RBM47: variants seen among roughly 807,000 people sequenced by gnomAD.
The protein encoded by RBM47 is RNA-binding protein 47.
A neutral mutation model predicts 47.1 loss-of-function variants in RBM47; 21 were observed. That is an observed-to-expected ratio of 0.45 (90% CI 0.32 to 0.64). RBM47 has a LOEUF of 0.64. Among genes scored for constraint, RBM47 ranks in the 30% least tolerant of loss-of-function variants. RBM47 has a pLI of 0.05. For missense variants in RBM47, 708 were observed against 870.9 expected, an observed-to-expected ratio of 0.81 and a Z score of 2.35; for synonymous variants, 375 against 361.7, an observed-to-expected ratio of 1.04 and a Z score of -0.42.
intron 1 of RBM47, among the ~76,000 whole-genome samples, chr4:40,544,878 C>A (rs1046141725): frequency 2.6e-4 from 40 of 151,952 alleles, no homozygotes; most frequent in Admixed American, 1.2e-3. Context: ...TGAGACCAAC[C>A]TGGGCAATAT....
chr4:40,514,791 T>C (rs947064220), intron 2 of RBM47: 3 of 152,182 alleles, frequency 2.0e-5, no homozygotes, highest in Non-Finnish European at 2.9e-5. Context: ...TTTCAGGTGG[T>C]GGGGGCGGAG....
At chr4:40,622,202 T>C (rs572587104) in intron 1 of RBM47, among the ~76,000 whole-genome samples, 4 of 152,326 alleles carry the variant, frequency 2.6e-5, no homozygotes, top group East Asian at 3.9e-4. Context: ...AATTACATAG[T>C]ATGCTACAAA....
chr4:40,461,656 C>T (rs944871918), intron 3 of RBM47, among the ~76,000 whole-genome samples: 1 of 152,164 alleles, frequency 6.6e-6, no homozygotes, highest in South Asian at 2.1e-4. Context: ...AGGCTGGGCA[C>T]AGTGGCTCAT....
At chr4:40,512,714 CAA>C (rs542452466) in intron 2 of RBM47, among the ~76,000 whole-genome samples, 16 of 43,318 alleles carry the variant, frequency 3.7e-4, no homozygotes, top group East Asian at 5.5e-4. Flanking sequence ...GACTTCATCT[CAA>C]AAAAAAAAAA....
At chr4:40,580,300 A>G (rs2154270822) in intron 1 of RBM47, among the ~76,000 whole-genome samples, 1 of 151,944 alleles carries the variant, frequency 6.6e-6, no homozygotes, top group East Asian at 1.9e-4. Context: ...CCCTCATCCA[A>G]GTTTCTAGTA....
At chr4:40,516,531 A>G (rs1725602693) in intron 2 of RBM47, among the ~76,000 whole-genome samples, 1 of 152,114 alleles carries the variant, frequency 6.6e-6, no homozygotes, top group Non-Finnish European at 1.5e-5. Flanking sequence ...AAGTGCTGGG[A>G]TTACAGGCAT....
chr4:40,478,736 C>T (rs187414571), intron 2 of RBM47, among the ~76,000 whole-genome samples: 1 of 152,190 alleles, frequency 6.6e-6, no homozygotes, highest in Non-Finnish European at 1.5e-5. Flanking sequence ...GATCTGCCTG[C>T]CTTGGCCTCT....
At chr4:40,573,352 G>A (rs1731925847) in intron 1 of RBM47, among the ~76,000 whole-genome samples, 1 of 151,762 alleles carries the variant, frequency 6.6e-6, no homozygotes, top group South Asian at 2.1e-4. Context: ...CAGGGCCACT[G>A]TTAATTTTAT....
intron 1 of RBM47, among the ~76,000 whole-genome samples, chr4:40,555,347 G>A (rs1027339840): frequency 3.3e-5 from 5 of 152,194 alleles, no homozygotes; most frequent in Non-Finnish European, 5.9e-5. Context: ...GATTACAGGT[G>A]TGAGTCACCG....
chr4:40,592,936 CATATATATATATATATATATATATAT>C (rs71648910), intron 1 of RBM47, among the ~76,000 whole-genome samples: 826 of 39,742 alleles, frequency 0.021, 14 homozygotes, highest in African/African-American at 0.038. Flanking sequence ...CAATTTGGGA[CATATATATATATATATATATATATAT>C]ATATATATAT....
chr4:40,453,386 C>A (rs1292605093), intron 3 of RBM47, among the ~76,000 whole-genome samples: 9 of 152,160 alleles, frequency 5.9e-5, no homozygotes, highest in African/African-American at 1.7e-4. Flanking sequence ...AATAAGCCAG[C>A]TATCACATGT....
rs1456888361 is a variant in RBM47 at position 40,600,494 on chromosome 4, T to C, written c.-240+28902A>G. On this transcript the variant is annotated intron_variant, in intron 1 of 6. Coordinates refer to ENST00000295971, the MANE Select transcript of RBM47 (RefSeq NM_001098634.2). ...CTAAAAATACAAAAAATTAGCCGGG[T>C]GTGGTGGCGGGCGCCTGTAGTCCCA... Among the ~76,000 whole-genome samples the C allele has an allele frequency of 2.4e-3, 353 of 148,518 alleles. 1 individual carries two copies. The highest frequency in any genetic ancestry group is 8.0e-3 in the African/African-American group (323 of 40,258).
intron 2 of RBM47, among the ~76,000 whole-genome samples, chr4:40,484,095 G>C (rs186706242): frequency 1.3e-5 from 2 of 152,286 alleles, no homozygotes; most frequent in East Asian, 3.9e-4. Context: ...CACAATATGT[G>C]AGCTTAAGAA....
Position 40,497,054 on chromosome 4 carries a change from A to AAAAG in RBM47, c.-154-30359_-154-30356dup, listed in dbSNP as rs1553890446. On this transcript the variant is annotated intron_variant, in intron 2 of 6. Coordinates refer to ENST00000295971, the MANE Select transcript of RBM47 (RefSeq NM_001098634.2). Reference sequence around the variant, plus strand: ...AAAACTCCATCTCAAAAAAAAAAAAAAAAGAAAGAAAGAAAGAAAGAAATG... The same window carrying AAAAG: ...AAAACTCCATCTCAAAAAAAAAAAAAAAAGAAAGAAAGAAAGAAAGAAAGAAATG... 2.4e-3 allele frequency among the ~76,000 whole-genome samples: 354 copies of AAAAG among 150,102 alleles called. 3 individuals carry two copies. Among genetic ancestry groups the AAAAG allele is most frequent in the East Asian group, 0.016 (82 of 5,132 alleles).
chr4:40,532,151 C>T (rs1440778638), intron 2 of RBM47, among the ~76,000 whole-genome samples: 2 of 151,530 alleles, frequency 1.3e-5, no homozygotes, highest in African/African-American at 2.4e-5. Flanking sequence ...GCTGGGACTA[C>T]AAGTGGGAGC....
intron 1 of RBM47, among the ~76,000 whole-genome samples, chr4:40,586,804 T>TC (rs1227084997): frequency 6.6e-6 from 1 of 151,846 alleles, no homozygotes; most frequent in Non-Finnish European, 1.5e-5. Flanking sequence ...TTCTGGGGTT[T>TC]CCTTATAGAA....
intron 5 of RBM47, among the ~76,000 whole-genome samples, chr4:40,433,309 T>C (rs1577606472): frequency 1.3e-5 from 2 of 152,250 alleles, no homozygotes; most frequent in Middle Eastern, 3.4e-3. Context: ...CTCTCCATGC[T>C]CACTATTGTT....
chr4:40,618,681 C>T (rs942536810), intron 1 of RBM47, among the ~76,000 whole-genome samples: 4 of 150,072 alleles, frequency 2.7e-5, no homozygotes, highest in Non-Finnish European at 4.5e-5. Context: ...TGGTGGCGCG[C>T]GCCTGTAATC....
At chr4:40,592,666 C>T (rs1461872876) in intron 1 of RBM47, among the ~76,000 whole-genome samples, 10 of 150,430 alleles carry the variant, frequency 6.6e-5, no homozygotes, top group Admixed American at 2.0e-4. Flanking sequence ...TCAGGTGATC[C>T]GCCCACCTCA....
Sources: gnomAD v4.1 joint callset for allele counts (sites outside exome capture counted in the v4.1 genomes callset) on GRCh38, gnomAD v4.1.1 for gene constraint, MANE v1.5 for transcripts, NCBI Gene and HGNC (gene_info 2026-07-23, HGNC 2026-07-21) for gene names.